The following RAPGEF4 variants were observed in gnomAD, a reference collection of about 807,000 sequenced individuals.
RAPGEF4 encodes the protein Rap guanine nucleotide exchange factor 4.
A neutral mutation model predicts 147.9 loss-of-function variants in RAPGEF4; 66 were observed. The ratio of observed to expected loss-of-function variants is 0.45; its 90% CI spans 0.37 to 0.55. The LOEUF (loss-of-function observed/expected upper bound fraction) is 0.55, where lower values mean the gene tolerates loss of function less well. Among genes scored for constraint, RAPGEF4 ranks in the 20% least tolerant of loss-of-function variants. The probability of loss-of-function intolerance (pLI) is 0.00; values close to 1 mark genes in which losing one functional copy is unlikely to be tolerated. For missense variants in RAPGEF4, 1,071 were observed against 1,257.3 expected (o/e 0.85, Z 2.24); for synonymous variants, 419 against 442.7 (o/e 0.95, Z 0.67).
At chr2:172,862,743 G>A (rs563592963) in intron 4 of RAPGEF4, among the ~76,000 whole-genome samples, 9 of 152,326 alleles carry the variant, frequency 5.9e-5, no homozygotes, top group African/African-American at 1.9e-4. Context: ...AAGTTAGGTG[G>A]TTTGGGACAA....
chr2:172,960,864 C>T lies in RAPGEF4; in HGVS notation c.591+51C>T, dbSNP rs1332191050. ...AGCCATTGAGCTAGCTTCTTAAGTACCTCTGGAGGTGGTCCATATGTCAGG... is the reference window on the plus strand; with the variant it reads ...AGCCATTGAGCTAGCTTCTTAAGTATCTCTGGAGGTGGTCCATATGTCAGG... On this transcript the variant is annotated intron_variant, in intron 7 of 30. Transcript: ENST00000397081. 11 of 1,433,040 alleles carry T rather than the reference C, an allele frequency of 7.7e-6. 1 individual carries two copies. The highest frequency in any genetic ancestry group is 2.9e-5 in the African/African-American group (2 of 70,014). 88.8% of individuals were successfully genotyped at this position (1,433,040 alleles called of 1,614,324 possible).
At chr2:173,034,484 A>G (rs1418270760) in intron 27 of RAPGEF4, among the ~76,000 whole-genome samples, 4 of 152,186 alleles carry the variant, frequency 2.6e-5, no homozygotes, top group Admixed American at 2.6e-4. Context: ...TTCATAGGAA[A>G]TATCTCCCCT....
intron 17 of RAPGEF4, among the ~76,000 whole-genome samples, chr2:173,011,164 G>A (rs77808495): frequency 4.5e-4 from 30 of 66,086 alleles, no homozygotes; most frequent in African/African-American, 1.0e-3. Context: ...ACTTCAGCGC[G>A]CGCGCGCACA....
intron 10 of RAPGEF4, among the ~76,000 whole-genome samples, chr2:172,981,542 C>A (rs1022897723): frequency 6.6e-6 from 1 of 152,220 alleles, no homozygotes; most frequent in Non-Finnish European, 1.5e-5. Flanking sequence ...TTGTGTCCCT[C>A]AGTGGTGACC....
At chr2:172,985,573 C>T (rs1201162244) in intron 12 of RAPGEF4, 80 bp downstream of exon 12, 19 of 1,565,046 alleles carry the variant, frequency 1.2e-5, no homozygotes, top group Middle Eastern at 3.4e-4. Context: ...AGGCTGCTAA[C>T]GCCTCACTTC....
chr2:173,005,081 C>T (rs1300475309), intron 17 of RAPGEF4, among the ~76,000 whole-genome samples: 4 of 150,914 alleles, frequency 2.7e-5, no homozygotes, highest in African/African-American at 9.7e-5. Context: ...TTCTCAGCCT[C>T]TACCTATTGG....
chr2:172,738,710 G>A (rs1403620653), intron 1 of RAPGEF4, among the ~76,000 whole-genome samples: 2 of 152,122 alleles, frequency 1.3e-5, no homozygotes, highest in Non-Finnish European at 2.9e-5. Context: ...ACCCATGTGG[G>A]TTCACTTGGG....
At chr2:172,933,553 A>G (rs963988854) in intron 6 of RAPGEF4, among the ~76,000 whole-genome samples, 1 of 152,146 alleles carries the variant, frequency 6.6e-6, no homozygotes, top group Non-Finnish European at 1.5e-5. Context: ...TAGACTAGAG[A>G]GTGATAATGA....
chr2:172,902,921 A>G (rs1190850479), intron 4 of RAPGEF4, among the ~76,000 whole-genome samples: 1 of 152,230 alleles, frequency 6.6e-6, no homozygotes, highest in Non-Finnish European at 1.5e-5. Context: ...TGCAGTAAGT[A>G]TATATTGGCT....
At chr2:172,989,602 T>G (rs1024802141) in intron 14 of RAPGEF4, among the ~76,000 whole-genome samples, 12 of 152,186 alleles carry the variant, frequency 7.9e-5, no homozygotes, top group Non-Finnish European at 1.5e-5. Flanking sequence ...CCCTTGTCCC[T>G]GGGAGGGATG....
intron 3 of RAPGEF4, among the ~76,000 whole-genome samples, chr2:172,808,639 A>G (rs760125492): frequency 2.6e-5 from 4 of 152,222 alleles, no homozygotes; most frequent in Non-Finnish European, 4.4e-5. Flanking sequence ...ACTATACAGC[A>G]CTATAATGGA....
chr2:173,001,154 C>T, intron 16 of RAPGEF4, 112 bp from the exon 17 acceptor site: 1 of 1,487,354 alleles, frequency 6.7e-7, no homozygotes, highest in Non-Finnish European at 9.0e-7. Context: ...AAACTCATGC[C>T]CCAAACCAAT....
At chr2:172,786,557 T>C (rs1685225286) in intron 1 of RAPGEF4, among the ~76,000 whole-genome samples, 1 of 152,034 alleles carries the variant, frequency 6.6e-6, no homozygotes, top group Admixed American at 6.6e-5. Context: ...GGTGTCTACG[T>C]CTCCTGAAGG....
chr2:172,925,587 TACACACACACACAC>T (rs10534191), intron 6 of RAPGEF4, among the ~76,000 whole-genome samples: 30 of 146,990 alleles, frequency 2.0e-4, no homozygotes, highest in Non-Finnish European at 9.0e-5. Flanking sequence ...ACTCTGTCTG[TACACACACACACAC>T]ACACACACAC....
At chr2:172,936,225 G>A (rs148413843) in intron 6 of RAPGEF4, among the ~76,000 whole-genome samples, 97 of 152,168 alleles carry the variant, frequency 6.4e-4, no homozygotes, top group African/African-American at 2.0e-3. Flanking sequence ...AAAATTAGCC[G>A]GGCATGGCGT....
intron 3 of RAPGEF4, among the ~76,000 whole-genome samples, chr2:172,813,667 A>G (rs899333910): frequency 1.3e-5 from 2 of 152,098 alleles, no homozygotes; most frequent in East Asian, 3.9e-4. Context: ...TAAATATTGT[A>G]ACTGCACTCT....
intron 17 of RAPGEF4, among the ~76,000 whole-genome samples, chr2:173,011,329 T>C (rs1575512735): frequency 6.6e-6 from 1 of 152,122 alleles, no homozygotes; most frequent in Non-Finnish European, 1.5e-5. Flanking sequence ...GGGGTGGGAA[T>C]AGTGGAAAGA....
At chr2:172,918,439 T>A (rs995215627) in intron 5 of RAPGEF4, among the ~76,000 whole-genome samples, 10 of 148,488 alleles carry the variant, frequency 6.7e-5, no homozygotes, top group African/African-American at 2.3e-4. Context: ...GACAGATAGG[T>A]TAATTTGCTT....
At chr2:172,774,075 C>T (rs926386640) in intron 1 of RAPGEF4, among the ~76,000 whole-genome samples, 5 of 152,134 alleles carry the variant, frequency 3.3e-5, no homozygotes, top group African/African-American at 1.2e-4. Context: ...CTTACTGTTG[C>T]GCTACTTCTA....
Sources: gnomAD v4.1 joint callset for allele counts (sites outside exome capture counted in the v4.1 genomes callset) on GRCh38, gnomAD v4.1.1 for gene constraint, MANE v1.5 for transcripts, NCBI Gene and HGNC (gene_info 2026-07-23, HGNC 2026-07-21) for gene names.